SGCZ: variants seen among roughly 807,000 people sequenced by gnomAD.
SGCZ encodes sarcoglycan zeta, also known as zeta-sarcoglycan.
Under a neutral mutation model 41.3 loss-of-function variants are expected in SGCZ, and 40 were observed. That is an observed-to-expected ratio of 0.97 (90% CI 0.75 to 1.26). SGCZ has a LOEUF of 1.26. Among genes scored for constraint, SGCZ ranks in the 50% most tolerant of loss-of-function variants. The pLI is 0.00. For missense variants in SGCZ, 552 were observed against 369.8 expected (o/e 1.49, Z -4.04); for synonymous variants, 206 against 137.5 (o/e 1.50, Z -3.49).
intron 1 of SGCZ, among the ~76,000 whole-genome samples, chr8:14,943,119 C>T (rs1800331278): frequency 1.3e-5 from 2 of 152,156 alleles, no homozygotes; most frequent in South Asian, 2.1e-4. Context: ...TGATTCACAA[C>T]ATTACATTCA....
chr8:14,332,325 C>G (rs764687696), intron 2 of SGCZ, among the ~76,000 whole-genome samples: 23 of 151,960 alleles, frequency 1.5e-4, no homozygotes, highest in Non-Finnish European at 2.8e-4. Flanking sequence ...CCTGTAGTCC[C>G]AGCTACTCAG....
chr8:14,888,613 T>A (rs1376051330), intron 1 of SGCZ, among the ~76,000 whole-genome samples: 1 of 152,172 alleles, frequency 6.6e-6, no homozygotes, highest in Non-Finnish European at 1.5e-5. Context: ...ATCATTAACG[T>A]AAGATCCAAA....
At chr8:15,175,491 C>G (rs578232815) in intron 1 of SGCZ, among the ~76,000 whole-genome samples, 1 of 151,980 alleles carries the variant, frequency 6.6e-6, no homozygotes, top group Non-Finnish European at 1.5e-5. Flanking sequence ...ATGATGAGAA[C>G]ACATAGACAC....
chr8:15,144,597 G>C (rs946407856), intron 1 of SGCZ, among the ~76,000 whole-genome samples: 1 of 152,030 alleles, frequency 6.6e-6, no homozygotes, highest in Non-Finnish European at 1.5e-5. Flanking sequence ...GAGTAGCTTG[G>C]AATACAGGCA....
At chr8:14,553,138 C>A (rs971010034) in intron 2 of SGCZ, among the ~76,000 whole-genome samples, 9 of 151,996 alleles carry the variant, frequency 5.9e-5, no homozygotes, top group Non-Finnish European at 7.4e-5. Flanking sequence ...ATAAATGACT[C>A]CTGAAGGACA....
intron 3 of SGCZ, among the ~76,000 whole-genome samples, chr8:14,306,641 A>C (rs1176417688): frequency 6.6e-6 from 1 of 152,188 alleles, no homozygotes; most frequent in Non-Finnish European, 1.5e-5. Context: ...TCACAGATAC[A>C]TGAGGAAGGC....
At chr8:15,180,650 C>T (rs1001511378) in intron 1 of SGCZ, among the ~76,000 whole-genome samples, 8 of 151,738 alleles carry the variant, frequency 5.3e-5, no homozygotes, top group African/African-American at 1.9e-4. Flanking sequence ...CTTTGGGAGG[C>T]CAAGGCAGGC....
At chr8:14,422,503 G>A (rs150513180) in intron 2 of SGCZ, among the ~76,000 whole-genome samples, 38 of 152,268 alleles carry the variant, frequency 2.5e-4, no homozygotes, top group Non-Finnish European at 4.7e-4. Flanking sequence ...ATGTGCCACA[G>A]ACCCCTCACA....
At position 14,718,363 on chromosome 8, in the gene SGCZ, A is replaced by G. The variant is rs192641260; in HGVS notation, c.40-163437T>C. 1.0e-3 allele frequency among the ~76,000 whole-genome samples: 159 copies of G among 152,192 alleles called. 1 individual carries two copies. The highest frequency in any genetic ancestry group is 3.7e-3 in the African/African-American group (154 of 41,546). ...TATTATGCTCAGGAAAAGTAGACAG[A>G]AAGCAAAATGTCACTAAAAAAAAGA... On this transcript the variant is annotated intron_variant, in intron 1 of 7. Transcript: ENST00000382080.
intron 1 of SGCZ, among the ~76,000 whole-genome samples, chr8:14,761,596 G>A (rs920462264): frequency 1.3e-5 from 2 of 150,784 alleles, no homozygotes; most frequent in Non-Finnish European, 2.9e-5. Flanking sequence ...CAGCAGCGTG[G>A]CTCACTGCCA....
At chr8:15,126,501 C>T (rs915462518) in intron 1 of SGCZ, among the ~76,000 whole-genome samples, 3 of 152,138 alleles carry the variant, frequency 2.0e-5, no homozygotes, top group African/African-American at 7.2e-5. Context: ...GATCCCTCCC[C>T]TCAAATAGTT....
chr8:14,983,404 A>G (rs1801734550), intron 1 of SGCZ, among the ~76,000 whole-genome samples: 1 of 151,008 alleles, frequency 6.6e-6, no homozygotes, highest in Non-Finnish European at 1.5e-5. Flanking sequence ...TTTGGAGACA[A>G]AGTCTCACTC....
At chr8:14,277,113 A>G (rs57102609) in intron 3 of SGCZ, among the ~76,000 whole-genome samples, 32,935 of 152,132 alleles carry the variant, frequency 0.22, 3,763 homozygotes, top group East Asian at 0.3. Context: ...TCCTCCACTA[A>G]TAACATAACT....
intron 5 of SGCZ, among the ~76,000 whole-genome samples, chr8:14,148,664 A>G (rs1474361074): frequency 6.6e-6 from 1 of 152,186 alleles, no homozygotes; most frequent in Admixed American, 6.5e-5. Flanking sequence ...ATGGAAGAAG[A>G]GGAAATACTT....
chr8:14,582,953 G>C (rs181014138), intron 1 of SGCZ, among the ~76,000 whole-genome samples: 3 of 152,026 alleles, frequency 2.0e-5, no homozygotes, highest in African/African-American at 7.2e-5. Flanking sequence ...ATGGTGAATA[G>C]TGCCGCAATA....
At chr8:14,878,477 G>C (rs1429234930) in intron 1 of SGCZ, among the ~76,000 whole-genome samples, 2 of 152,136 alleles carry the variant, frequency 1.3e-5, no homozygotes, top group Non-Finnish European at 2.9e-5. Context: ...CTGTGGTTCT[G>C]ATGTAGCTTG....
At chr8:14,282,734 T>A (rs72603993) in intron 3 of SGCZ, among the ~76,000 whole-genome samples, 1 of 151,918 alleles carries the variant, frequency 6.6e-6, no homozygotes, top group African/African-American at 2.4e-5. Context: ...AAATATTAGG[T>A]CTTCCAATTC....
intron 1 of SGCZ, among the ~76,000 whole-genome samples, chr8:14,720,482 T>C (rs1344374345): frequency 6.6e-6 from 1 of 152,126 alleles, no homozygotes; most frequent in Admixed American, 6.5e-5. Flanking sequence ...CAAAACACTT[T>C]ACAAAACCTG....
intron 4 of SGCZ, among the ~76,000 whole-genome samples, chr8:14,166,605 T>C (rs1804218947): frequency 6.6e-6 from 1 of 152,194 alleles, no homozygotes; most frequent in African/African-American, 2.4e-5. Context: ...TTGCTGAGCA[T>C]AATTGATTCT....
Sources: gnomAD v4.1 joint callset for allele counts (sites outside exome capture counted in the v4.1 genomes callset) on GRCh38, gnomAD v4.1.1 for gene constraint, MANE v1.5 for transcripts, NCBI Gene and HGNC (gene_info 2026-07-23, HGNC 2026-07-21) for gene names.